The following SLC30A2 variants were observed in gnomAD, a reference collection of about 807,000 sequenced individuals.
SLC30A2 encodes the protein proton-coupled zinc antiporter SLC30A2.
In SLC30A2, 19 loss-of-function variants were observed where a neutral mutation model predicts 39.6. The observed-to-expected ratio is 0.48, with a 90% CI of 0.34 to 0.70. The LOEUF is 0.70. Ranked by LOEUF, SLC30A2 falls within the 30% of genes least tolerant of loss-of-function variation. SLC30A2 has a pLI of 0.01. For missense variants in SLC30A2, 387 were observed against 479.4 expected (o/e 0.81, Z 1.80); for synonymous variants, 195 against 194.8 (o/e 1.00, Z -0.01).
Position 26,039,897 on chromosome 1 carries a change from C to T in SLC30A2, c.853G>A (p.Val285Ile), listed in dbSNP as rs561828004. ...AGATCACGAACAGCTGTGAAGTCAACGCCCTTGGGGGTCCCTGAGGACGGC... is the reference window on the plus strand; with the variant it reads ...AGATCACGAACAGCTGTGAAGTCAATGCCCTTGGGGGTCCCTGAGGACGGC... ...LVLMEGTPKG[V>I]DFTAVRDLLL... Residue 285 changes from valine (V) to isoleucine (I), a missense_variant, in exon 7 of 8, where the codon GTT becomes ATT. Transcript: ENST00000374276. The surrounding 1 kb of genome is among the most constrained non-coding windows in gnomAD (Gnocchi z 4.3). 2.4e-5 allele frequency: 38 copies of T among 1,614,054 alleles called. No individual in the cohort carries two copies. Among genetic ancestry groups the T allele is most frequent in the East Asian group, 6.7e-5 (3 of 44,866 alleles).
chr1:26,041,562 T>G, intron 6 of SLC30A2, 138 bp downstream of exon 6: 12 of 581,700 alleles, frequency 2.1e-5, no homozygotes, highest in South Asian at 1.5e-4. Context: ...CCCCAGGAGG[T>G]TTTCCAGCCT....
Position 26,045,851 on chromosome 1 carries a change from T to C in SLC30A2, c.46A>G (p.Ile16Val). 1 of 1,613,500 alleles carries C rather than the reference T, an allele frequency of 6.2e-7. No homozygotes were observed. The highest frequency in any genetic ancestry group is 2.2e-5 in the East Asian group (1 of 44,864). Reference sequence around the variant, plus strand: ...GTCCCCAGGCTCTCGCCTTACCGGATTGCCGGCCTGGCGTCCAACAGATGC... The same window carrying C: ...GTCCCCAGGCTCTCGCCTTACCGGACTGCCGGCCTGGCGTCCAACAGATGC... ...KQHLLDARPA[I>V]RSYTGSLWQE... Residue 16 changes from isoleucine (I) to valine (V), a missense_variant, in exon 1 of 8, where the codon ATC (isoleucine) becomes GTC (valine). Transcript: ENST00000374276.
In SLC30A2 at chr1:26,037,729, TCA is replaced by T. The variant is rs2050355748; in HGVS notation, c.*1429_*1430del. ...CAGGCCAGTGCTTTCCACAGACTTT[TCA>T]CAGACCTGGAGGGGCTGAAGGACCC... On this transcript the variant is annotated 3_prime_UTR_variant, in exon 8 of 8. Coordinates refer to ENST00000374276, the MANE Select transcript of SLC30A2 (RefSeq NM_001004434.3). The T allele has an allele frequency of 6.6e-6, 1 of 152,220 alleles. No homozygotes were observed. Among genetic ancestry groups the T allele is most frequent in the Admixed American group, 6.5e-5 (1 of 15,286 alleles). The allele number at this position is 152,220 out of a possible 1,614,324, so 9.4% of individuals were successfully genotyped here.
At chr1:26,043,809 T>C (rs951361037) in intron 3 of SLC30A2, among the ~76,000 whole-genome samples, 1 of 152,170 alleles carries the variant, frequency 6.6e-6, no homozygotes. Flanking sequence ...AGAAGCTGAC[T>C]TATTAAAGTA....
chr1:26,041,431 AC>A (rs1306056885), intron 6 of SLC30A2, among the ~76,000 whole-genome samples: 3 of 152,100 alleles, frequency 2.0e-5, no homozygotes, highest in Non-Finnish European at 4.4e-5. Flanking sequence ...CCCAGAAGCC[AC>A]CTGACTAGGC....
Position 26,038,911 on chromosome 1 carries a change from C to T in SLC30A2, c.*249G>A. 9.6e-7 allele frequency: 1 copy of T among 1,037,300 alleles called. No homozygotes were observed. Among genetic ancestry groups the T allele is most frequent in the South Asian group, 2.9e-5 (1 of 34,934 alleles). 64.3% of individuals were successfully genotyped at this position (1,037,300 alleles called of 1,614,324 possible). On this transcript the variant is annotated 3_prime_UTR_variant, in exon 8 of 8. Coordinates refer to ENST00000374276, the MANE Select transcript of SLC30A2 (RefSeq NM_001004434.3). ...GCTGAGGATTAGGCCCAAATACAGCCCTTCCAGAGCTGGCCCAGGAGCTGG... is the reference window on the plus strand; with the variant it reads ...GCTGAGGATTAGGCCCAAATACAGCTCTTCCAGAGCTGGCCCAGGAGCTGG...
In SLC30A2 at chr1:26,042,699, C is replaced by A; in HGVS notation, c.582G>T (p.Leu194Phe). ...GCCCATGGCCAGACTGGTGAAGGGT[C>A]AACCCCATTCTATGGAAGTGGAGAC... Reference protein sequence around the residue: ...CAVAVNIIMGLTLHQSGHGHS... With the variant: ...CAVAVNIIMGFTLHQSGHGHS... Residue 194 changes from leucine to phenylalanine, a missense_variant, in exon 5 of 8, where the codon TTG becomes TTT. Physicochemically the swap from Leu to Phe is conservative, Grantham distance 22. Transcript: ENST00000374276. 1.9e-6 allele frequency: 3 copies of A among 1,613,954 alleles called. No homozygotes were observed. The South Asian group carries it at 3.3e-5, about 18-fold the overall frequency.
chr1:26,045,904 C>A lies in SLC30A2; in HGVS notation c.-8G>T. ...CTTCTCCTTGGCCTCCATGCAGTCCCGCGCCGAGTCCCGGCAGCCGCGCAG... is the reference window on the plus strand; with the variant it reads ...CTTCTCCTTGGCCTCCATGCAGTCCAGCGCCGAGTCCCGGCAGCCGCGCAG... On this transcript the variant is annotated 5_prime_UTR_variant, in exon 1 of 8. Transcript: ENST00000374276. 2 of 1,610,414 alleles carry A rather than the reference C, an allele frequency of 1.2e-6. No individual in the cohort carries two copies. The highest frequency in any genetic ancestry group is 1.7e-6 in the Non-Finnish European group (2 of 1,179,522).
Position 26,046,061 on chromosome 1 carries a change from G to A in SLC30A2, c.-165C>T. ...CGGCCCCTGAGCTCCCCCGGCTCCC[G>A]CTGCGGCTGCAGCTCCGGCTCTGGC... On this transcript the variant is annotated 5_prime_UTR_variant, in exon 1 of 8. Coordinates refer to ENST00000374276, the MANE Select transcript of SLC30A2 (RefSeq NM_001004434.3). The surrounding 1 kb of genome is among the most constrained non-coding windows in gnomAD (Gnocchi z 4.4). 1 of 1,330,854 alleles carries A rather than the reference G, an allele frequency of 7.5e-7. No individual in the cohort carries two copies. Among genetic ancestry groups the A allele is most frequent in the Non-Finnish European group, 9.5e-7 (1 of 1,047,900 alleles). 82.4% of individuals were successfully genotyped at this position (1,330,854 alleles called of 1,614,324 possible).
intron 1 of SLC30A2, 144 bp from the exon 2 acceptor site, chr1:26,045,361 G>T: frequency 1.5e-6 from 1 of 668,974 alleles, no homozygotes; most frequent in Non-Finnish European, 2.5e-6. Context: ...GAGGTGAGAA[G>T]CCTGTATTCA....
intron 5 of SLC30A2, 140 bp downstream of exon 5, chr1:26,042,409 A>T: frequency 1.3e-6 from 1 of 758,516 alleles, no homozygotes; most frequent in Non-Finnish European, 2.2e-6. Context: ...TAGGTATTGG[A>T]TAAATGTTCC....
Position 26,038,953 on chromosome 1 carries a change from T to G in SLC30A2, c.*207A>C, listed in dbSNP as rs539556170. 7.5e-6 allele frequency: 10 copies of G among 1,325,724 alleles called. 1 individual carries two copies. In the South Asian group the frequency reaches 1.6e-4, roughly 21 times the overall value. The allele number at this position is 1,325,724 out of a possible 1,614,324, so 82.1% of individuals were successfully genotyped here. On this transcript the variant is annotated 3_prime_UTR_variant, in exon 8 of 8. Coordinates refer to ENST00000374276, the MANE Select transcript of SLC30A2 (RefSeq NM_001004434.3). Reference sequence around the variant, plus strand: ...AGGAGCTGGAAGAGCAGGGTCACACTAGCTTTATACCCGCTGAGTCCCCAC... The same window carrying G: ...AGGAGCTGGAAGAGCAGGGTCACACGAGCTTTATACCCGCTGAGTCCCCAC...
intron 6 of SLC30A2, 109 bp from the exon 7 acceptor site, chr1:26,040,020 C>T: frequency 8.1e-6 from 10 of 1,231,006 alleles, no homozygotes; most frequent in African/African-American, 1.5e-5. Context: ...CAAAGAAGAC[C>T]TCTTTGGCCT....
chr1:26,044,382 CAA>C lies in SLC30A2; in HGVS notation c.332_333del (p.Phe111CysfsTer29), dbSNP rs2050435648. On this transcript the variant is annotated frameshift_variant, in exon 3 of 8. Transcript: ENST00000374276. LOFTEE classifies it high-confidence loss of function. Reference sequence around the variant, plus strand: ...GAGAAGAGGCTGATGAGCATGCTGGCAAAGTCAGTGAGCAGGTGTGCTGCGTC... The same window carrying C: ...GAGAAGAGGCTGATGAGCATGCTGGCAGTCAGTGAGCAGGTGTGCTGCGTC... ...MTDAAHLLTD[F>X]ASMLISLFSL... 6.2e-7 allele frequency: 1 copy of C among 1,613,998 alleles called. No individual in the cohort carries two copies. The highest frequency in any genetic ancestry group is 1.3e-5 in the African/African-American group (1 of 75,040).
rs1353294714 is a variant in SLC30A2 at position 26,038,364 on chromosome 1, C to G, written c.*796G>C. On this transcript the variant is annotated 3_prime_UTR_variant, in exon 8 of 8. Transcript: ENST00000374276. The stretch of plus-strand genomic sequence containing the variant: ...CCACCATGTCAGGCTCCGACTGGGT[C>G]AGGCCAGGTAGGCAACAGAGTTGGC... The G allele has an allele frequency of 6.6e-6, 1 of 152,430 alleles. No homozygotes were observed. Among genetic ancestry groups the G allele is most frequent in the South Asian group, 2.1e-4 (1 of 4,832 alleles). The allele number at this position is 152,430 out of a possible 1,614,324, so 9.4% of individuals were successfully genotyped here. A position where few individuals can be genotyped will look rare whatever the true frequency, so the allele number is the denominator to read the frequency against.
chr1:26,044,579 T>C, intron 2 of SLC30A2, 135 bp from the exon 3 acceptor site: 2 of 789,872 alleles, frequency 2.5e-6, no homozygotes, highest in South Asian at 1.8e-5. Flanking sequence ...TGTACCACCG[T>C]GACAAGTGAC....
At position 26,044,990 on chromosome 1, in the gene SLC30A2, T is replaced by C. The variant is rs2050443412; in HGVS notation, c.271+7A>G. On this transcript the variant is annotated splice_region_variant and intron_variant, in intron 2 of 7. Transcript: ENST00000374276. ...CAACTTCATTTAATTAGCCCAAAAG[T>C]GCTTACCAACGACTTCTCCGATCAT... 6.2e-7 allele frequency: 1 copy of C among 1,613,386 alleles called. No homozygotes were observed. The highest frequency in any genetic ancestry group is 8.5e-7 in the Non-Finnish European group (1 of 1,179,414).
rs1371238832 is a variant in SLC30A2, at chr1:26,038,240, C to T, written c.*920G>A. The T allele has an allele frequency of 6.6e-6, 1 of 152,248 alleles. No individual in the cohort carries two copies. Among genetic ancestry groups the T allele is most frequent in the Non-Finnish European group, 1.5e-5 (1 of 68,070 alleles). 9.4% of individuals were successfully genotyped at this position (152,248 alleles called of 1,614,324 possible). ...TTGCATCTTGTAAACAAAAGCCACC[C>T]CTAAGTCAGGAATCTTCACACACAA... On this transcript the variant is annotated 3_prime_UTR_variant, in exon 8 of 8. Coordinates refer to ENST00000374276, the MANE Select transcript of SLC30A2 (RefSeq NM_001004434.3).
intron 6 of SLC30A2, 80 bp downstream of exon 6, chr1:26,041,620 C>A: frequency 1.2e-6 from 1 of 855,276 alleles, no homozygotes; most frequent in East Asian, 2.6e-5. Context: ...CTAGGATGCC[C>A]CAGACACACA....
Sources: gnomAD v4.1 joint callset for allele counts (sites outside exome capture counted in the v4.1 genomes callset) on GRCh38, gnomAD v4.1.1 for gene constraint, Gnocchi (gnomAD v3.1) non-coding constraint, MANE v1.5 for transcripts, NCBI Gene and HGNC (gene_info 2026-07-23, HGNC 2026-07-21) for gene names.